The following LRIF1 variants were observed in gnomAD, a reference collection of about 807,000 sequenced individuals.
LRIF1 encodes ligand-dependent nuclear receptor-interacting factor 1.
LRIF1 carries 32 observed loss-of-function variants against 52.7 expected under a neutral mutation model. That is an observed-to-expected ratio of 0.61 (90% confidence interval 0.46 to 0.82). The LOEUF is 0.82. Among genes scored for constraint, LRIF1 ranks in the 40% least tolerant of loss-of-function variants. The probability of loss-of-function intolerance (pLI) is 0.00; values close to 1 mark genes in which losing one functional copy is unlikely to be tolerated. For missense variants in LRIF1, 887 were observed against 892.0 expected (o/e 0.99, Z 0.07); for synonymous variants, 323 against 317.4 (o/e 1.02, Z -0.19).
intron 1 of LRIF1, among the ~76,000 whole-genome samples, chr1:110,959,716 G>A (rs1431510646): frequency 8.9e-5 from 11 of 122,990 alleles, no homozygotes; most frequent in African/African-American, 1.3e-4. Flanking sequence ...TCCACCTGGC[G>A]ACAGAGCGAG....
At chr1:110,940,384 A>G in the LRIF1 span, 1 of 152,190 alleles carries the variant, frequency 6.6e-6, no homozygotes, top group Non-Finnish European at 1.5e-5. Context: ...GTTGGTGGGA[A>G]TGTACATTAG....
chr1:110,892,433 C>A, the LRIF1 span: 4 of 1,613,978 alleles, frequency 2.5e-6, no homozygotes, highest in East Asian at 6.7e-5. Flanking sequence ...CCCTCCCTCA[C>A]GCTGGGCAAT....
At chr1:110,912,730 A>C in the LRIF1 span, among the ~76,000 whole-genome samples, 1 of 152,260 alleles carries the variant, frequency 6.6e-6, no homozygotes, top group Non-Finnish European at 1.5e-5. Flanking sequence ...AGGAACAATC[A>C]ATATTGTTAA....
rs1297371559 is a variant in LRIF1, at chr1:110,947,979, T to TA, written c.2289dup (p.Lys764Ter). 6.3e-7 allele frequency: 1 copy of TA among 1,582,324 alleles called. No homozygotes were observed. The highest frequency in any genetic ancestry group is 8.6e-7 in the Non-Finnish European group (1 of 1,167,798). On this transcript the variant is annotated frameshift_variant, in exon 4 of 4. Transcript: ENST00000369763. LOFTEE classifies it high-confidence loss of function. ...AGATTTTATTTTTGGTGCATCTTCT[T>TA]ACGCATTTCTTCAAGAGCTGCTTCT...
chr1:110,945,918 C>T (rs1658194438), downstream of LRIF1, among the ~76,000 whole-genome samples: 1 of 152,110 alleles, frequency 6.6e-6, no homozygotes, highest in Admixed American at 6.5e-5. Context: ...AGAGCAAAAC[C>T]TGACTGAAAT....
intron 2 of LRIF1, 94 bp downstream of exon 2, chr1:110,951,194 G>T: frequency 9.7e-7 from 1 of 1,028,264 alleles, no homozygotes; most frequent in Non-Finnish European, 1.4e-6. Context: ...GTTGGCAGTG[G>T]GGGAAAGAGG....
rs79844254 is a variant in LRIF1, at chr1:110,953,826, G to T, written c.69-1011C>A. Among the ~76,000 whole-genome samples, 422 of 152,258 alleles carry T rather than the reference G, an allele frequency of 2.8e-3. 4 individuals are homozygous for T. The highest frequency in any genetic ancestry group is 9.5e-3 in the African/African-American group (394 of 41,556). On this transcript the variant is annotated intron_variant, in intron 1 of 3. Transcript: ENST00000369763. ...ACATAGCTCAAGTCTTGGCATAAAT[G>T]ATATTTCTCAAGAGATACATTTTCT... is the stretch of plus-strand genomic sequence containing the variant.
At chr1:110,891,360 G>A in the LRIF1 span, 2 of 1,404,180 alleles carry the variant, frequency 1.4e-6, no homozygotes, top group Non-Finnish European at 2.0e-6. Context: ...TACAGAGTGA[G>A]GTAACTTACT....
At chr1:110,896,904 C>T in the LRIF1 span, among the ~76,000 whole-genome samples, 2 of 152,142 alleles carry the variant, frequency 1.3e-5, no homozygotes, top group Non-Finnish European at 2.9e-5. Context: ...GAAAAACATA[C>T]AAACAAACTC....
chr1:110,884,848 T>C, the LRIF1 span, among the ~76,000 whole-genome samples: 2 of 9,812 alleles, frequency 2.0e-4, no homozygotes, highest in Non-Finnish European at 0.019. Flanking sequence ...ATATTTTAAA[T>C]GCATTTTTTT....
chr1:110,896,280 A>G, the LRIF1 span, among the ~76,000 whole-genome samples: 1 of 152,192 alleles, frequency 6.6e-6, no homozygotes, highest in Non-Finnish European at 1.5e-5. Flanking sequence ...CATAGCTGTC[A>G]CTTCCTGTTG....
At chr1:110,918,912 C>G in the LRIF1 span, among the ~76,000 whole-genome samples, 90,273 of 151,978 alleles carry the variant, frequency 0.59, 27,356 homozygotes, top group East Asian at 0.84. Context: ...TCTCTGCCAG[C>G]AAACAGAGCA....
the LRIF1 span, among the ~76,000 whole-genome samples, chr1:110,915,720 G>T: frequency 9.7e-4 from 147 of 152,182 alleles, no homozygotes; most frequent in Non-Finnish European, 1.5e-3. Context: ...CTTGATCCGG[G>T]TGTTATACAC....
chr1:110,940,349 TG>T, the LRIF1 span: 1 of 152,208 alleles, frequency 6.6e-6, no homozygotes, highest in South Asian at 2.1e-4. Flanking sequence ...GGCTAGGATG[TG>T]GAGAAAGGGA....
At chr1:110,910,696 G>A in the LRIF1 span, among the ~76,000 whole-genome samples, 31 of 152,128 alleles carry the variant, frequency 2.0e-4, no homozygotes, top group Non-Finnish European at 4.3e-4. Flanking sequence ...ATACCAAGAC[G>A]ATTTCTCAAA....
In LRIF1 at chr1:110,949,892, T is replaced by TGTA; in HGVS notation, c.1825_1827dup (p.Tyr609dup). 6.2e-7 allele frequency: 1 copy of TGTA among 1,614,118 alleles called. No individual in the cohort carries two copies. Among genetic ancestry groups the TGTA allele is most frequent in the East Asian group, 2.2e-5 (1 of 44,860 alleles). On this transcript the variant is annotated inframe_insertion, in exon 3 of 4. Transcript: ENST00000369763. ...TCCTTCACCATAAACTCTGTCTCTT[T>TGTA]GTAAGTACCACTCTTTACCAAACTG...
chr1:110,921,264 T>TA, the LRIF1 span, among the ~76,000 whole-genome samples: 1 of 74,850 alleles, frequency 1.3e-5, no homozygotes, highest in Admixed American at 1.3e-4. Context: ...GGGTTACCAG[T>TA]GAAGTGCAGA....
intron 2 of LRIF1, 60 bp downstream of exon 2, chr1:110,951,228 A>C: frequency 2.2e-6 from 3 of 1,375,174 alleles, no homozygotes; most frequent in Non-Finnish European, 3.0e-6. Flanking sequence ...TTTGAGAATT[A>C]AGAAAACAAA....
intron 3 of LRIF1, among the ~76,000 whole-genome samples, chr1:110,949,086 C>CGT (rs371436452): frequency 2.7e-5 from 4 of 150,568 alleles, no homozygotes; most frequent in East Asian, 1.9e-4. Flanking sequence ...TTTACCTGTG[C>CGT]GTGTGTGTGT....
Sources: allele counts gnomAD v4.1 joint callset (sites outside exome capture counted in the v4.1 genomes callset), GRCh38; gene constraint gnomAD v4.1.1; transcripts MANE v1.5; gene names NCBI Gene and HGNC (gene_info 2026-07-23, HGNC 2026-07-21).